The following NBAS variants were observed in gnomAD, a reference collection of about 807,000 sequenced individuals.
NBAS encodes the protein NAG/BC035112 fusion.
A neutral mutation model predicts 302.5 loss-of-function variants in NBAS; 219 were observed. That is an observed-to-expected ratio of 0.72 (90% CI 0.65 to 0.81). NBAS has a LOEUF of 0.81. Ranked by LOEUF, NBAS falls within the 30% of genes least tolerant of loss-of-function variation. The pLI is 0.00. For missense variants in NBAS, 2,932 were observed against 2,841.6 expected, an observed-to-expected ratio of 1.03 and a Z score of -0.72; for synonymous variants, 1,118 against 1,021.6, an observed-to-expected ratio of 1.09 and a Z score of -1.80.
chr2:15,292,711 T>A lies in NBAS; in HGVS notation c.4853A>T (p.His1618Leu). ...AATAAGGTCTTCAGGCCAGGCTTCG[T>A]GCTCATGTCGAGTCACATGCCTGGT... is the stretch of plus-strand genomic sequence containing the variant. ...MVTRHVTRHE[H>L]EAWPEDLISL... The change falls in exon 41 of 52, where the codon CAC (histidine) becomes CTC (leucine). Residue 1618 changes from histidine (H) to leucine (L), a missense_variant. Transcript: ENST00000281513. The A allele has an allele frequency of 1.9e-6, 3 of 1,614,218 alleles. No homozygotes were observed. The highest frequency in any genetic ancestry group is 1.7e-6 in the Non-Finnish European group (2 of 1,180,050).
At chr2:14,979,899 C>A in the NBAS span, among the ~76,000 whole-genome samples, 15 of 152,208 alleles carry the variant, frequency 9.9e-5, no homozygotes, top group African/African-American at 3.6e-4. Context: ...TGTGGGCACC[C>A]TTGACTGTAT....
chr2:14,901,199 C>G, the NBAS span, among the ~76,000 whole-genome samples: 17 of 152,280 alleles, frequency 1.1e-4, no homozygotes, highest in South Asian at 3.5e-3. Context: ...GGCACTGTGA[C>G]AGTCACTTCA....
intron 19 of NBAS, among the ~76,000 whole-genome samples, chr2:15,465,361 T>G (rs1334140782): frequency 6.6e-6 from 1 of 152,174 alleles, no homozygotes; most frequent in African/African-American, 2.4e-5. Flanking sequence ...CAGGAAGAAT[T>G]TGACATTCTT....
chr2:15,330,471 A>G (rs1026479830), intron 36 of NBAS, 127 bp downstream of exon 36: 11 of 1,286,644 alleles, frequency 8.5e-6, no homozygotes, highest in South Asian at 1.3e-5. Context: ...AGAGGCCTAC[A>G]TTTCTTAAGA....
At chr2:15,337,800 G>T (rs7594985) in intron 35 of NBAS, among the ~76,000 whole-genome samples, 1,888 of 152,246 alleles carry the variant, frequency 0.012, 35 homozygotes, top group African/African-American at 0.043. Flanking sequence ...CATTAATGAA[G>T]AAAATAGATT....
At chr2:15,433,320 T>C (rs1363586008) in intron 21 of NBAS, among the ~76,000 whole-genome samples, 1 of 152,152 alleles carries the variant, frequency 6.6e-6, no homozygotes, top group Non-Finnish European at 1.5e-5. Flanking sequence ...TTTAGCTCAT[T>C]TGGATTAGGA....
the NBAS span, among the ~76,000 whole-genome samples, chr2:14,825,381 G>A: frequency 3.3e-5 from 5 of 152,190 alleles, no homozygotes; most frequent in African/African-American, 7.2e-5. Flanking sequence ...AGTAGGTAGC[G>A]TATGGTCACT....
chr2:15,465,425 C>T (rs1679681768), intron 19 of NBAS, among the ~76,000 whole-genome samples: 1 of 152,162 alleles, frequency 6.6e-6, no homozygotes, highest in African/African-American at 2.4e-5. Flanking sequence ...GCATTTAATG[C>T]CTATACAATG....
intron 21 of NBAS, among the ~76,000 whole-genome samples, chr2:15,454,909 ATT>A (rs796180817): frequency 8.0e-6 from 1 of 125,052 alleles, no homozygotes; most frequent in Non-Finnish European, 1.8e-5. Flanking sequence ...CTATACTGCA[ATT>A]TTTTTTTTTT....
intron 32 of NBAS, among the ~76,000 whole-genome samples, chr2:15,364,140 T>C (rs1674076862): frequency 6.6e-6 from 1 of 152,160 alleles, no homozygotes; most frequent in South Asian, 2.1e-4. Flanking sequence ...GTGAGGTCTG[T>C]AAATATTCCC....
chr2:15,303,159 T>C (rs536596153), intron 40 of NBAS, among the ~76,000 whole-genome samples: 10 of 152,266 alleles, frequency 6.6e-5, no homozygotes, highest in Admixed American at 3.9e-4. Context: ...CCTTCATATA[T>C]ACATATATCC....
intron 21 of NBAS, among the ~76,000 whole-genome samples, chr2:15,449,083 T>C (rs1280866893): frequency 1.3e-5 from 2 of 152,162 alleles, no homozygotes; most frequent in East Asian, 1.9e-4. Flanking sequence ...AGTAATAGCA[T>C]CCTTCTTTTT....
chr2:15,467,920 T>G, intron 17 of NBAS, 116 bp from the exon 18 acceptor site: 2 of 1,001,716 alleles, frequency 2.0e-6, no homozygotes. Flanking sequence ...CAGAAGAAAG[T>G]ATTTGAAAAA....
At chr2:15,526,869 T>A (rs1395177411) in intron 9 of NBAS, among the ~76,000 whole-genome samples, 4 of 152,172 alleles carry the variant, frequency 2.6e-5, no homozygotes, top group Non-Finnish European at 5.9e-5. Flanking sequence ...TTAAAAGTAA[T>A]AAGTATAATC....
At chr2:14,904,374 A>G in the NBAS span, among the ~76,000 whole-genome samples, 2 of 152,162 alleles carry the variant, frequency 1.3e-5, no homozygotes, top group African/African-American at 4.8e-5. Flanking sequence ...CTGGCAAACC[A>G]CTGATATAAG....
chr2:15,433,836 C>T (rs573562885), intron 21 of NBAS, among the ~76,000 whole-genome samples: 2 of 152,028 alleles, frequency 1.3e-5, no homozygotes, highest in Non-Finnish European at 2.9e-5. Context: ...GTGGCTCACA[C>T]CTATAATCCC....
At chr2:14,807,026 G>GA in the NBAS span, among the ~76,000 whole-genome samples, 31 of 151,330 alleles carry the variant, frequency 2.0e-4, no homozygotes, top group East Asian at 3.9e-4. Context: ...CTTCTCTACA[G>GA]AAAAAAAACA....
intron 50 of NBAS, among the ~76,000 whole-genome samples, chr2:15,182,453 G>A (rs6730450): frequency 0.27 from 41,259 of 152,010 alleles, 6,903 homozygotes; most frequent in East Asian, 0.64. Flanking sequence ...AGCAAAAGTG[G>A]CTCAACCCTG....
chr2:15,191,134 C>T (rs973320415), intron 48 of NBAS, among the ~76,000 whole-genome samples: 5 of 152,102 alleles, frequency 3.3e-5, no homozygotes, highest in African/African-American at 9.7e-5. Context: ...CTCTCATTTT[C>T]TAGCCTCAGC....
Sources: allele counts gnomAD v4.1 joint callset (sites outside exome capture counted in the v4.1 genomes callset), GRCh38; gene constraint gnomAD v4.1.1; transcripts MANE v1.5; gene names NCBI Gene and HGNC (gene_info 2026-07-23, HGNC 2026-07-21).